The following WDPCP variants were observed in gnomAD, a reference collection of about 807,000 sequenced individuals.
WDPCP encodes the protein WD repeat containing planar cell polarity effector.
WDPCP carries 71 observed loss-of-function variants against 93.1 expected under a neutral mutation model. The observed-to-expected ratio is 0.76, with a 90% CI of 0.63 to 0.93. The LOEUF is 0.93. WDPCP is among the 40% of genes least tolerant of loss of function. The pLI is 0.00. For missense variants in WDPCP, 844 were observed against 887.4 expected, an observed-to-expected ratio of 0.95 and a Z score of 0.62; for synonymous variants, 315 against 315.0, an observed-to-expected ratio of 1.00 and a Z score of 0.00.
intron 6 of WDPCP, among the ~76,000 whole-genome samples, chr2:63,478,934 T>C (rs1033882564): frequency 2.0e-5 from 3 of 151,526 alleles, no homozygotes; most frequent in African/African-American, 7.3e-5. Context: ...ATAAAATTGA[T>C]AGACCATTAG....
At chr2:63,464,995 A>C (rs1218359666) in intron 6 of WDPCP, among the ~76,000 whole-genome samples, 2 of 152,042 alleles carry the variant, frequency 1.3e-5, no homozygotes, top group African/African-American at 4.8e-5. Flanking sequence ...AACACACTGA[A>C]CTGTACACTT....
chr2:63,823,677 C>T (rs1437008855), intron 1 of WDPCP, among the ~76,000 whole-genome samples: 1 of 151,996 alleles, frequency 6.6e-6, no homozygotes, highest in Non-Finnish European at 1.5e-5. Flanking sequence ...ATCACACTCT[C>T]CCCCTAAATA....
chr2:63,509,887 G>T (rs1418233347), intron 1 of WDPCP, among the ~76,000 whole-genome samples: 1 of 152,122 alleles, frequency 6.6e-6, no homozygotes, highest in African/African-American at 2.4e-5. Context: ...CCAGGAAGAA[G>T]TTGAATCCCT....
chr2:63,308,444 G>GT (rs1268691315), intron 13 of WDPCP, among the ~76,000 whole-genome samples: 1 of 152,154 alleles, frequency 6.6e-6, no homozygotes, highest in East Asian at 1.9e-4. Flanking sequence ...ATATGCACAC[G>GT]TATGTTTATT....
intron 2 of WDPCP, among the ~76,000 whole-genome samples, chr2:63,792,029 C>A (rs985948654): frequency 6.6e-6 from 1 of 152,016 alleles, no homozygotes; most frequent in Non-Finnish European, 1.5e-5. Context: ...CTATTTGCTG[C>A]CAATTATTGT....
At chr2:63,299,903 G>T (rs935495231) in intron 13 of WDPCP, among the ~76,000 whole-genome samples, 1 of 152,052 alleles carries the variant, frequency 6.6e-6, no homozygotes, top group Non-Finnish European at 1.5e-5. Flanking sequence ...GATGAATGCC[G>T]GCAGGAACTA....
chr2:63,622,874 G>T (rs1246686625), intron 3 of WDPCP: 2 of 1,539,552 alleles, frequency 1.3e-6, no homozygotes, highest in Non-Finnish European at 1.8e-6. Context: ...AGCATCAGGG[G>T]TGCGGAGCCT....
In WDPCP at chr2:63,484,460, T is replaced by C. The variant is rs78423075; in HGVS notation, c.384+144A>G. The C allele has an allele frequency of 5.8e-3, 5,070 of 869,574 alleles. 136 individuals carry two copies. In the African/African-American group the frequency reaches 0.062, roughly 11 times the overall value. The allele number at this position is 869,574 out of a possible 1,614,324, so 53.9% of individuals were successfully genotyped here. ...GTGTCAATCTGTCTAATGTTAGCTCTAGAACAACTAGAATTCAAACTATGA... is the reference window on the plus strand; with the variant it reads ...GTGTCAATCTGTCTAATGTTAGCTCCAGAACAACTAGAATTCAAACTATGA... On this transcript the variant is annotated intron_variant, in intron 6 of 17. Transcript: ENST00000272321.
intron 3 of WDPCP, among the ~76,000 whole-genome samples, chr2:63,598,362 C>T (rs889004715): frequency 6.6e-6 from 1 of 152,154 alleles, no homozygotes; most frequent in African/African-American, 2.4e-5. Flanking sequence ...CTCCTGACCT[C>T]AGGTGATCCA....
chr2:63,329,126 C>A (rs1036882717), intron 12 of WDPCP, among the ~76,000 whole-genome samples: 1 of 152,164 alleles, frequency 6.6e-6, no homozygotes, highest in Non-Finnish European at 1.5e-5. Context: ...TTACACTGTA[C>A]GTTAGATCTC....
intron 6 of WDPCP, among the ~76,000 whole-genome samples, chr2:63,451,537 C>A (rs1051968292): frequency 6.6e-6 from 1 of 152,144 alleles, no homozygotes; most frequent in African/African-American, 2.4e-5. Flanking sequence ...TGGTACCATT[C>A]CTTCTGAAAC....
intron 13 of WDPCP, among the ~76,000 whole-genome samples, chr2:63,280,916 A>C (rs1683489346): frequency 6.6e-6 from 1 of 152,240 alleles, no homozygotes; most frequent in South Asian, 2.1e-4. Context: ...ACAGTGGCTT[A>C]GGCAAAGACT....
At chr2:63,323,320 A>T (rs1037153205) in intron 12 of WDPCP, among the ~76,000 whole-genome samples, 1 of 152,166 alleles carries the variant, frequency 6.6e-6, no homozygotes, top group African/African-American at 2.4e-5. Flanking sequence ...TCCTATAAGA[A>T]TGATTTCTAG....
chr2:63,424,315 G>T (rs992915531), intron 9 of WDPCP, among the ~76,000 whole-genome samples: 2 of 152,088 alleles, frequency 1.3e-5, no homozygotes, highest in Non-Finnish European at 2.9e-5. Context: ...GCAGCAAAAT[G>T]TGGTCATAGG....
rs915466438 is a variant in WDPCP, at chr2:63,709,078, A to G, written n.309-58240T>C. 2.1e-5 allele frequency among the ~76,000 whole-genome samples: 3 copies of G among 144,242 alleles called. No individual in the cohort carries two copies. The East Asian group carries it at 5.9e-4, about 29-fold the overall frequency. 94.6% of individuals were successfully genotyped at this position (144,242 alleles called of 152,430 possible). A position where few individuals can be genotyped will look rare whatever the true frequency, so the allele number is the denominator to read the frequency against. ...TCTACAAAAAAAAAAAAAAAAAAAA[A>G]AAAAATGACCCGGGCTTGGTGATGT... On this transcript the variant is annotated intron_variant and non_coding_transcript_variant, in intron 2 of 4. Coordinates refer to the WDPCP transcript ENST00000467687.
At chr2:63,472,592 A>G (rs955007577) in intron 6 of WDPCP, among the ~76,000 whole-genome samples, 1 of 151,544 alleles carries the variant, frequency 6.6e-6, no homozygotes, top group Admixed American at 6.6e-5. Context: ...TTTATTTTTT[A>G]TTTTTTATTT....
chr2:63,748,706 G>A (rs1421724824), intron 2 of WDPCP, among the ~76,000 whole-genome samples: 1 of 152,058 alleles, frequency 6.6e-6, no homozygotes, highest in African/African-American at 2.4e-5. Flanking sequence ...TAGCTGGTAT[G>A]TGAAATACAT....
At chr2:63,838,533 T>A in the WDPCP span, among the ~76,000 whole-genome samples, 1 of 152,188 alleles carries the variant, frequency 6.6e-6, no homozygotes, top group South Asian at 2.1e-4. Flanking sequence ...CTTAACCCTG[T>A]ACACACTCTT....
chr2:63,259,817 A>G (rs1440205360), intron 13 of WDPCP, among the ~76,000 whole-genome samples: 1 of 152,212 alleles, frequency 6.6e-6, no homozygotes, highest in East Asian at 1.9e-4. Flanking sequence ...TGCATATGGC[A>G]TATATTTGTT....
Sources: gnomAD v4.1 joint callset for allele counts (sites outside exome capture counted in the v4.1 genomes callset) on GRCh38, gnomAD v4.1.1 for gene constraint, MANE v1.5 for transcripts, NCBI Gene and HGNC (gene_info 2026-07-23, HGNC 2026-07-21) for gene names.